The following UBE3A variants were observed in gnomAD, a reference collection of about 807,000 sequenced individuals.
UBE3A encodes the protein ubiquitin protein ligase E3A.
In UBE3A, 6 loss-of-function variants were observed where a neutral mutation model predicts 83.4. The observed-to-expected ratio is 0.07, with a 90% CI of 0.04 to 0.14. The LOEUF (loss-of-function observed/expected upper bound fraction) is 0.14, where lower values mean the gene tolerates loss of function less well. Among genes scored for constraint, UBE3A ranks in the 10% least tolerant of loss-of-function variants. The probability of loss-of-function intolerance (pLI) is 1.00; values close to 1 mark genes in which losing one functional copy is unlikely to be tolerated. For missense variants in UBE3A, 456 were observed against 1,036.1 expected (o/e 0.44, Z 7.69); for synonymous variants, 337 against 355.4 (o/e 0.95, Z 0.58).
chr15:25,356,782 T>G lies in UBE3A; in HGVS notation c.1868A>C (p.Asn623Thr). ...GIVLGLAIYNNCILDVHFPMV... is the reference protein window; with the variant it reads ...GIVLGLAIYNTCILDVHFPMV... The stretch of plus-strand genomic sequence containing the variant: ...GGGAAAATGTACATCCAGTATACAG[T>G]TATTGTAAATAGCCAGACCCAGTAC... Residue 623 changes from asparagine to threonine, a missense_variant, in exon 8 of 13, where the codon AAC becomes ACC. Asn to Thr is a moderately conservative substitution (Grantham distance 65, BLOSUM62 0). Around this residue, in one of 13 missense-constraint regions of UBE3A, gnomAD observed 58 missense variants for 237.1 expected, o/e 0.24. Coordinates refer to ENST00000648336, the MANE Select transcript of UBE3A (RefSeq NM_130839.5). 3 of 1,613,880 alleles carry G rather than the reference T, an allele frequency of 1.9e-6. No individual in the cohort carries two copies. The highest frequency in any genetic ancestry group is 2.5e-6 in the Non-Finnish European group (3 of 1,179,904).
rs929634621 is a variant in UBE3A at position 25,376,397 on chromosome 15, A to G, written c.63-634T>C. Among the ~76,000 whole-genome samples the G allele has an allele frequency of 5.9e-5, 9 of 152,194 alleles. No individual in the cohort carries two copies. The East Asian group carries it at 1.7e-3, about 29-fold the overall frequency. ...GCAGATCATGACTGTAATCAATCCCATAACTGTGGGAGGCTGAGGCAGGCC... is the reference window on the plus strand; with the variant it reads ...GCAGATCATGACTGTAATCAATCCCGTAACTGTGGGAGGCTGAGGCAGGCC... On this transcript the variant is annotated intron_variant, in intron 4 of 12. Coordinates refer to ENST00000648336, the MANE Select transcript of UBE3A (RefSeq NM_130839.5).
At chr15:25,372,277 A>G (rs938961353) in intron 5 of UBE3A, among the ~76,000 whole-genome samples, 15 of 152,210 alleles carry the variant, frequency 9.9e-5, no homozygotes, top group African/African-American at 3.6e-4. Flanking sequence ...GGTCTTAAAA[A>G]AAGGCTCCTT....
At chr15:25,359,393 CT>C (rs2077679718) in intron 7 of UBE3A, among the ~76,000 whole-genome samples, 1 of 149,934 alleles carries the variant, frequency 6.7e-6, no homozygotes, top group Non-Finnish European at 1.5e-5. Context: ...TAATAAAACA[CT>C]AGCTAGATTA....
At position 25,335,274 on chromosome 15, in the gene UBE3A, T is replaced by C. The variant is rs2073909164; in HGVS notation, c.*3863A>G. ...TTTAAATATCTGGTCATGAAGAGTA[T>C]TTGAGAAATATGACAAGTGAAGATG... On this transcript the variant is annotated 3_prime_UTR_variant, in exon 13 of 13. Transcript: ENST00000648336. The C allele has an allele frequency of 6.6e-6, 1 of 152,008 alleles. No individual in the cohort carries two copies. The highest frequency in any genetic ancestry group is 6.6e-5 in the Admixed American group (1 of 15,266). The allele number at this position is 152,008 out of a possible 1,614,324, so 9.4% of individuals were successfully genotyped here.
intron 7 of UBE3A, 141 bp from the exon 8 acceptor site, chr15:25,357,037 T>C: frequency 1.4e-6 from 1 of 713,102 alleles, no homozygotes; most frequent in Non-Finnish European, 2.3e-6. Flanking sequence ...TGATTTCTAT[T>C]ATATTAGCAC....
chr15:25,420,126 T>A (rs1051306410), intron 1 of UBE3A, among the ~76,000 whole-genome samples: 4 of 152,016 alleles, frequency 2.6e-5, no homozygotes, highest in African/African-American at 9.7e-5. Flanking sequence ...AAGAAAGACA[T>A]TAAATGACCA....
intron 4 of UBE3A, among the ~76,000 whole-genome samples, chr15:25,381,699 CA>C (rs955059064): frequency 6.6e-6 from 1 of 152,152 alleles, no homozygotes; most frequent in African/African-American, 2.4e-5. Flanking sequence ...TGAGACGTTG[CA>C]AAACTCCATT....
chr15:25,430,445 T>A (rs1435451761), intron 1 of UBE3A, among the ~76,000 whole-genome samples: 1 of 148,790 alleles, frequency 6.7e-6, no homozygotes, highest in Non-Finnish European at 1.5e-5. Flanking sequence ...AGAGAGAGAT[T>A]AGCCCCAGTT....
intron 1 of UBE3A, chr15:25,412,974 A>C (rs930525834): frequency 7.3e-5 from 32 of 439,136 alleles, no homozygotes; most frequent in Admixed American, 4.9e-4. Flanking sequence ...CAACCCAAGA[A>C]CGCAGAAATG....
At chr15:25,424,842 C>T (rs1441827953) in intron 1 of UBE3A, among the ~76,000 whole-genome samples, 1 of 151,906 alleles carries the variant, frequency 6.6e-6, no homozygotes, top group Non-Finnish European at 1.5e-5. Context: ...CTGAAAACTA[C>T]AAAACATGAA....
chr15:25,392,732 T>C (rs890476282), intron 4 of UBE3A, among the ~76,000 whole-genome samples: 4 of 151,572 alleles, frequency 2.6e-5, no homozygotes, highest in Non-Finnish European at 5.9e-5. Flanking sequence ...TAGAGGAAAA[T>C]GAGTAAAAGC....
intron 4 of UBE3A, among the ~76,000 whole-genome samples, chr15:25,396,477 G>A (rs2085604490): frequency 6.6e-6 from 1 of 152,008 alleles, no homozygotes; most frequent in African/African-American, 2.4e-5. Flanking sequence ...CACTGTTTTA[G>A]CCTGGCATGG....
chr15:25,345,136 AACTG>A (rs2075455168), intron 11 of UBE3A, among the ~76,000 whole-genome samples: 2 of 152,184 alleles, frequency 1.3e-5, no homozygotes, highest in Admixed American at 6.5e-5. Context: ...GATGCAAGGT[AACTG>A]ACTGGGTTTC....
intron 1 of UBE3A, among the ~76,000 whole-genome samples, chr15:25,437,760 A>C (rs1895541387): frequency 1.3e-5 from 2 of 152,184 alleles, no homozygotes; most frequent in South Asian, 4.1e-4. Context: ...TTACGGACTA[A>C]GGCATTTGGT....
chr15:25,372,903 A>G (rs916138213), intron 5 of UBE3A, among the ~76,000 whole-genome samples: 4 of 151,154 alleles, frequency 2.6e-5, no homozygotes, highest in Non-Finnish European at 4.4e-5. Flanking sequence ...CTGCTATAAT[A>G]TATGTTTCAC....
At chr15:25,367,355 T>TAC (rs979609439) in intron 6 of UBE3A, among the ~76,000 whole-genome samples, 8 of 151,498 alleles carry the variant, frequency 5.3e-5, no homozygotes, top group Non-Finnish European at 4.4e-5. Flanking sequence ...AATATGGTTT[T>TAC]ACATATTTGT....
chr15:25,397,211 TA>T (rs11321524), intron 4 of UBE3A, among the ~76,000 whole-genome samples: 146,547 of 152,202 alleles, frequency 0.96, 70,789 homozygotes, highest in East Asian at 1. Flanking sequence ...GCTAGAAACT[TA>T]AAACAGCTCT....
chr15:25,348,212 A>T (rs181648404), intron 11 of UBE3A, among the ~76,000 whole-genome samples: 1 of 152,174 alleles, frequency 6.6e-6, no homozygotes, highest in Non-Finnish European at 1.5e-5. Flanking sequence ...TGATAAACAG[A>T]TAAATCTCAG....
At chr15:25,435,135 C>T (rs1234475814) in intron 1 of UBE3A, among the ~76,000 whole-genome samples, 1 of 150,892 alleles carries the variant, frequency 6.6e-6, no homozygotes, top group Non-Finnish European at 1.5e-5. Context: ...TAAATCTTTA[C>T]AGTAGCAGCT....
Sources: gnomAD v4.1 joint callset for allele counts (sites outside exome capture counted in the v4.1 genomes callset) on GRCh38, gnomAD v4.1.1 for gene constraint, gnomAD v4.1.1 regional missense constraint, MANE v1.5 for transcripts, NCBI Gene and HGNC (gene_info 2026-07-23, HGNC 2026-07-21) for gene names.